GRIK1: variants seen among roughly 807,000 people sequenced by gnomAD.
GRIK1 encodes glutamate ionotropic receptor kainate type subunit 1.
A neutral mutation model predicts 105.7 loss-of-function variants in GRIK1; 69 were observed. The ratio of observed to expected loss-of-function variants is 0.65; its 90% CI spans 0.54 to 0.80. The LOEUF (loss-of-function observed/expected upper bound fraction) is 0.80, where lower values mean the gene tolerates loss of function less well. Ranked by LOEUF, GRIK1 falls within the 30% of genes least tolerant of loss-of-function variation. The pLI is 0.00. For missense variants in GRIK1, 1,109 were observed against 1,167.3 expected, an observed-to-expected ratio of 0.95 and a Z score of 0.73; for synonymous variants, 438 against 431.3, an observed-to-expected ratio of 1.02 and a Z score of -0.19.
At chr21:29,678,011 T>G (rs2063305181) in intron 3 of GRIK1, among the ~76,000 whole-genome samples, 1 of 152,146 alleles carries the variant, frequency 6.6e-6, no homozygotes. Flanking sequence ...AGTACCTAGG[T>G]TTTCTTGAGT....
At chr21:29,818,000 A>C (rs1332719796) in intron 1 of GRIK1, among the ~76,000 whole-genome samples, 1 of 152,138 alleles carries the variant, frequency 6.6e-6, no homozygotes, top group Admixed American at 6.6e-5. Context: ...AAATTGTTGA[A>C]TAATTTGCTA....
At chr21:29,665,505 A>G (rs2063042234) in intron 4 of GRIK1, among the ~76,000 whole-genome samples, 1 of 152,250 alleles carries the variant, frequency 6.6e-6, no homozygotes, top group Non-Finnish European at 1.5e-5. Context: ...TAATGAACTT[A>G]TCAATTAACT....
At chr21:29,635,712 G>T (rs989546770) in intron 7 of GRIK1, among the ~76,000 whole-genome samples, 1 of 152,158 alleles carries the variant, frequency 6.6e-6, no homozygotes, top group Non-Finnish European at 1.5e-5. Flanking sequence ...GAATAAGTGA[G>T]TGTTTCCTGT....
chr21:29,792,031 T>C (rs1172299595), intron 1 of GRIK1, among the ~76,000 whole-genome samples: 4 of 152,014 alleles, frequency 2.6e-5, no homozygotes, highest in Non-Finnish European at 4.4e-5. Flanking sequence ...GGTTTTAGAG[T>C]TTAATGAAAT....
chr21:29,751,969 G>A (rs943035637), intron 1 of GRIK1, among the ~76,000 whole-genome samples: 4 of 152,144 alleles, frequency 2.6e-5, no homozygotes, highest in African/African-American at 9.7e-5. Flanking sequence ...CATTTTAATT[G>A]CTTCCAAATA....
chr21:29,634,330 G>A (rs539319912), intron 7 of GRIK1, among the ~76,000 whole-genome samples: 1 of 152,258 alleles, frequency 6.6e-6, no homozygotes, highest in African/African-American at 2.4e-5. Context: ...CAAAGCAGTG[G>A]CAGAAAACTG....
intron 7 of GRIK1, among the ~76,000 whole-genome samples, chr21:29,611,861 A>T (rs2061737446): frequency 6.6e-6 from 1 of 152,246 alleles, no homozygotes; most frequent in South Asian, 2.1e-4. Flanking sequence ...ATTTTCTATC[A>T]TCACTAAAAT....
At chr21:29,821,747 G>A (rs2067313184) in intron 1 of GRIK1, among the ~76,000 whole-genome samples, 1 of 152,026 alleles carries the variant, frequency 6.6e-6, no homozygotes, top group African/African-American at 2.4e-5. Context: ...TGGTCTGTAA[G>A]TGGTTGTGTA....
At chr21:29,822,855 T>C (rs2067343372) in intron 1 of GRIK1, among the ~76,000 whole-genome samples, 1 of 152,018 alleles carries the variant, frequency 6.6e-6, no homozygotes, top group Non-Finnish European at 1.5e-5. Context: ...ATTTGGGTTT[T>C]CAATCACACT....
chr21:29,593,001 T>C (rs1202655679), intron 9 of GRIK1, among the ~76,000 whole-genome samples: 1 of 152,202 alleles, frequency 6.6e-6, no homozygotes, highest in Admixed American at 6.5e-5. Flanking sequence ...TTCTATTTCT[T>C]GACTCTGATT....
chr21:29,699,237 T>C (rs2063767472), intron 1 of GRIK1, among the ~76,000 whole-genome samples: 1 of 152,230 alleles, frequency 6.6e-6, no homozygotes, highest in African/African-American at 2.4e-5. Flanking sequence ...CTCCCTCAAA[T>C]TTATATGTTG....
chr21:29,547,662 T>C (rs2090069808), intron 16 of GRIK1, among the ~76,000 whole-genome samples: 1 of 152,260 alleles, frequency 6.6e-6, no homozygotes, highest in Non-Finnish European at 1.5e-5. Context: ...TAAGACAACA[T>C]CAACTTGTAT....
At chr21:29,830,832 T>C (rs796250815) in intron 1 of GRIK1, among the ~76,000 whole-genome samples, 33 of 152,208 alleles carry the variant, frequency 2.2e-4, no homozygotes, top group African/African-American at 7.2e-4. Context: ...CTGATGAACA[T>C]AGAGATTCCA....
chr21:29,854,709 A>T (rs757947300), intron 1 of GRIK1, among the ~76,000 whole-genome samples: 1 of 152,144 alleles, frequency 6.6e-6, no homozygotes, highest in Non-Finnish European at 1.5e-5. Context: ...CTTTAGTTGC[A>T]CTCAGGAACT....
At chr21:29,912,976 ATACT>A (rs2070870733) in intron 1 of GRIK1, among the ~76,000 whole-genome samples, 1 of 152,148 alleles carries the variant, frequency 6.6e-6, no homozygotes, top group Non-Finnish European at 1.5e-5. Context: ...ATTACAAGAC[ATACT>A]TAATAATAAC....
Position 29,560,400 on chromosome 21 carries a change from C to CTTTCTTTCTTTCTTT in GRIK1, c.2356+1223_2356+1224insAAAGAAAGAAAGAAA, listed in dbSNP as rs1601112863. Among the ~76,000 whole-genome samples, 57 of 67,122 alleles carry CTTTCTTTCTTTCTTT rather than the reference C, an allele frequency of 8.5e-4. 5 individuals are homozygous for CTTTCTTTCTTTCTTT. Among genetic ancestry groups the CTTTCTTTCTTTCTTT allele is most frequent in the African/African-American group, 4.3e-3 (46 of 10,780 alleles). The allele number at this position is 67,122 out of a possible 152,430, so 44.0% of individuals were successfully genotyped here. On this transcript the variant is annotated intron_variant, in intron 15 of 17. Transcript: ENST00000327783. The stretch of plus-strand genomic sequence containing the variant: ...TCCTTCCTTCCTTCCTTCCTTCCTT[C>CTTTCTTTCTTTCTTT]CTTTCTTTCTTTCTTTCTTTCTTTC...
intron 1 of GRIK1, among the ~76,000 whole-genome samples, chr21:29,891,121 C>A (rs1390199673): frequency 1.3e-5 from 2 of 152,088 alleles, no homozygotes; most frequent in Admixed American, 1.3e-4. Context: ...CAAGTTCTGT[C>A]AGAATGAAAC....
At chr21:29,813,461 T>C (rs887942715) in intron 1 of GRIK1, among the ~76,000 whole-genome samples, 6 of 152,138 alleles carry the variant, frequency 3.9e-5, no homozygotes, top group African/African-American at 1.4e-4. Flanking sequence ...AATCCAATCA[T>C]TATCACAGAG....
chr21:29,539,198 T>C (rs1324921583), intron 16 of GRIK1, among the ~76,000 whole-genome samples: 3 of 152,200 alleles, frequency 2.0e-5, no homozygotes, highest in East Asian at 3.8e-4. Flanking sequence ...AAAAATGTTA[T>C]AGCAAGTACA....
Sources: gnomAD v4.1 joint callset for allele counts (sites outside exome capture counted in the v4.1 genomes callset) on GRCh38, gnomAD v4.1.1 for gene constraint, MANE v1.5 for transcripts, NCBI Gene and HGNC (gene_info 2026-07-23, HGNC 2026-07-21) for gene names.